Variants in PILRA observed in about 807,000 individuals in gnomAD.
PILRA encodes the protein paired immunoglobulin-like type 2 receptor alpha.
In PILRA, 37 loss-of-function variants were observed where a neutral mutation model predicts 33.1. That is an observed-to-expected ratio of 1.12 (90% CI 0.86 to 1.47). The LOEUF (loss-of-function observed/expected upper bound fraction) is 1.47. PILRA is among the 40% of genes most tolerant of loss of function. The probability of loss-of-function intolerance (pLI) is 0.00; values close to 1 mark genes in which losing one functional copy is unlikely to be tolerated. For synonymous variants in PILRA, 146 were observed against 149.9 expected, an observed-to-expected ratio of 0.97 and a Z score of 0.19; for missense variants, 312 against 376.2, an observed-to-expected ratio of 0.83 and a Z score of 1.41.
At chr7:100,380,372 TACTC>T (rs1213174859) in intron 2 of PILRA, among the ~76,000 whole-genome samples, 3 of 152,182 alleles carry the variant, frequency 2.0e-5, no homozygotes, top group Admixed American at 6.5e-5. Context: ...AACTTTAAAA[TACTC>T]AGCATTTCCT....
intron 2 of PILRA, among the ~76,000 whole-genome samples, chr7:100,378,832 C>G (rs1356314528): frequency 6.6e-6 from 1 of 152,114 alleles, no homozygotes; most frequent in East Asian, 1.9e-4. Context: ...GTGGCTCACA[C>G]CTGTAAACCC....
At chr7:100,396,951 G>C (rs1285564173) in intron 3 of PILRA, among the ~76,000 whole-genome samples, 2 of 151,692 alleles carry the variant, frequency 1.3e-5, no homozygotes, top group East Asian at 3.9e-4. Flanking sequence ...TGTACACGTG[G>C]TTAAAAGTGA....
At chr7:100,377,408 T>C (rs911492784) in intron 2 of PILRA, among the ~76,000 whole-genome samples, 2 of 151,712 alleles carry the variant, frequency 1.3e-5, no homozygotes, top group African/African-American at 4.8e-5. Flanking sequence ...GCCCGACTAA[T>C]TTTTTTGTAT....
chr7:100,375,921 G>A (rs561673089), intron 2 of PILRA, among the ~76,000 whole-genome samples: 42 of 152,296 alleles, frequency 2.8e-4, no homozygotes, highest in African/African-American at 9.1e-4. Flanking sequence ...AAAGGGCGTC[G>A]GGGAAATTTG....
intron 2 of PILRA, among the ~76,000 whole-genome samples, chr7:100,380,348 T>C (rs1791061492): frequency 6.6e-6 from 1 of 151,926 alleles, no homozygotes; most frequent in Non-Finnish European, 1.5e-5. Context: ...ACCAAAACAG[T>C]TCAGGGAGAA....
Position 100,373,794 on chromosome 7 carries a change from A to T in PILRA, c.64+74A>T, listed in dbSNP as rs1790876182. 14 of 1,579,250 alleles carry T rather than the reference A, an allele frequency of 8.9e-6. No individual in the cohort carries two copies. The South Asian group carries it at 1.3e-4, about 15-fold the overall frequency. The stretch of plus-strand genomic sequence containing the variant: ...GGGGCCAACCCGAGACAAAGGTGGG[A>T]CATCTTGGGGAGGGCCCAGGCTCCC... On this transcript the variant is annotated intron_variant, in intron 1 of 6. Coordinates refer to ENST00000198536, the MANE Select transcript of PILRA (RefSeq NM_013439.3).
chr7:100,385,576 A>G (rs1262430802), intron 2 of PILRA, among the ~76,000 whole-genome samples: 1 of 152,162 alleles, frequency 6.6e-6, no homozygotes, highest in Non-Finnish European at 1.5e-5. Context: ...ACTTAAAGTA[A>G]CTTGAATCTC....
rs1156484443 is a variant in PILRA, at chr7:100,390,036, A to G, written c.603A>G (p.Ala201=). 9.3e-6 allele frequency: 15 copies of G among 1,614,022 alleles called. No homozygotes were observed. The highest frequency in any genetic ancestry group is 1.1e-5 in the Non-Finnish European group (13 of 1,179,914). The change falls in exon 3 of 7, where the codon GCA becomes GCG. Residue 201 remains alanine, a synonymous_variant. Coordinates refer to ENST00000198536, the MANE Select transcript of PILRA (RefSeq NM_013439.3). ...GTCTGGAGACTGCTGTGGGGGTGGC[A>G]GTGGCTGTCACTGTGCTCGGAATCA... ...HISLETAVGV[A]VAVTVLGIMI... is the part of the protein sequence containing the mutation.
intron 2 of PILRA, among the ~76,000 whole-genome samples, chr7:100,386,508 A>C (rs190719970): frequency 3.9e-4 from 60 of 152,086 alleles, no homozygotes; most frequent in Non-Finnish European, 6.9e-4. Flanking sequence ...TGTCAAAAAA[A>C]AAAACAAAAC....
chr7:100,390,683 A>G (rs1017724065), intron 3 of PILRA, among the ~76,000 whole-genome samples: 1 of 152,210 alleles, frequency 6.6e-6, no homozygotes, highest in Non-Finnish European at 1.5e-5. Flanking sequence ...GAGGTGATAT[A>G]TGCAAAAGTC....
chr7:100,372,151 C>G (rs1181797479), upstream of PILRA, among the ~76,000 whole-genome samples: 10 of 152,176 alleles, frequency 6.6e-5, no homozygotes, highest in East Asian at 1.9e-3. Context: ...CAGCCCAAAG[C>G]CCCCGTCCCT....
At chr7:100,382,001 A>ACCCCAC (rs1791112201) in intron 2 of PILRA, among the ~76,000 whole-genome samples, 3 of 97,660 alleles carry the variant, frequency 3.1e-5, no homozygotes, top group Admixed American at 9.9e-5. Context: ...CTCAGTCCCC[A>ACCCCAC]CCCCCACCCC....
intron 3 of PILRA, among the ~76,000 whole-genome samples, chr7:100,396,071 C>G (rs1006714337): frequency 1.3e-5 from 2 of 152,126 alleles, no homozygotes; most frequent in African/African-American, 4.8e-5. Flanking sequence ...TTGCAGTGAG[C>G]TGAGATTGTG....
intron 3 of PILRA, among the ~76,000 whole-genome samples, chr7:100,390,765 G>A (rs527720475): frequency 1.6e-3 from 249 of 152,164 alleles, no homozygotes; most frequent in African/African-American, 5.6e-3. Flanking sequence ...CCTTGTGGGT[G>A]GAGGAAACCA....
At chr7:100,394,850 A>T (rs1429591593) in intron 3 of PILRA, among the ~76,000 whole-genome samples, 1 of 152,216 alleles carries the variant, frequency 6.6e-6, no homozygotes, top group African/African-American at 2.4e-5. Flanking sequence ...AATGGATTAA[A>T]GACCTAAATG....
chr7:100,383,736 A>G (rs1026395892), intron 2 of PILRA, among the ~76,000 whole-genome samples: 2 of 151,880 alleles, frequency 1.3e-5, no homozygotes, highest in Non-Finnish European at 2.9e-5. Context: ...TCCTGGGTTC[A>G]AGGGATTCTC....
At chr7:100,390,961 T>G (rs1425383268) in intron 3 of PILRA, among the ~76,000 whole-genome samples, 1 of 151,624 alleles carries the variant, frequency 6.6e-6, no homozygotes, top group Non-Finnish European at 1.5e-5. Context: ...GTCAGTGCAG[T>G]GCAGGGGTGA....
At chr7:100,387,657 G>A (rs953870862) in intron 2 of PILRA, among the ~76,000 whole-genome samples, 1 of 152,144 alleles carries the variant, frequency 6.6e-6, no homozygotes, top group South Asian at 2.1e-4. Context: ...AGTGAGGTAC[G>A]ATTGCGCACC....
intron 3 of PILRA, among the ~76,000 whole-genome samples, chr7:100,391,105 A>G (rs1563121194): frequency 6.6e-6 from 1 of 151,216 alleles, no homozygotes; most frequent in Admixed American, 6.6e-5. Flanking sequence ...TCTTGAGCCC[A>G]GGAGTTTGAT....
Sources: allele counts gnomAD v4.1 joint callset (sites outside exome capture counted in the v4.1 genomes callset), GRCh38; gene constraint gnomAD v4.1.1; transcripts MANE v1.5; gene names NCBI Gene and HGNC (gene_info 2026-07-23, HGNC 2026-07-21).